STK32B: variants seen among roughly 807,000 people sequenced by gnomAD.
STK32B encodes serine/threonine-protein kinase 32B.
STK32B carries 43 observed loss-of-function variants against 52.6 expected under a neutral mutation model. The ratio of observed to expected loss-of-function variants is 0.82; its 90% CI spans 0.64 to 1.05. STK32B has a LOEUF of 1.05. STK32B is among the 50% of genes least tolerant of loss of function. STK32B has a pLI of 0.00. For synonymous variants in STK32B, 238 were observed against 204.3 expected (o/e 1.17, Z -1.41); for missense variants, 621 against 534.6 (o/e 1.16, Z -1.59).
chr4:5,470,858 T>C lies in STK32B; in HGVS notation c.1106+2788T>C, dbSNP rs10013705. Among the ~76,000 whole-genome samples, 1,312 of 152,298 alleles carry C rather than the reference T, an allele frequency of 8.6e-3. 20 individuals carry two copies. Among genetic ancestry groups the C allele is most frequent in the African/African-American group, 0.03 (1,258 of 41,570 alleles). ...TGCTGGCACTTGAGTAGCTGGAAAATTAAATCGAGCACCTTCTTCCCCACT... is the reference window on the plus strand; with the variant it reads ...TGCTGGCACTTGAGTAGCTGGAAAACTAAATCGAGCACCTTCTTCCCCACT... On this transcript the variant is annotated intron_variant, in intron 11 of 11. Transcript: ENST00000282908. The surrounding 1 kb of genome is among the most constrained non-coding windows in gnomAD (Gnocchi z 4.6).
rs145248483 is a variant in STK32B, at chr4:5,228,539, A to G, written c.260+60089A>G. The stretch of plus-strand genomic sequence containing the variant: ...CTGCAATAAAATTTTTTTGTCTTTT[A>G]TGGATCTTGTTTTTTCTGTATTTAA... On this transcript the variant is annotated intron_variant, in intron 3 of 11. Transcript: ENST00000282908. Among the ~76,000 whole-genome samples, 573 of 152,262 alleles carry G rather than the reference A, an allele frequency of 3.8e-3. 3 individuals are homozygous for G. The highest frequency in any genetic ancestry group is 6.8e-3 in the Middle Eastern group (2 of 294).
chr4:5,466,471 T>C (rs1009587036), intron 9 of STK32B, among the ~76,000 whole-genome samples: 2 of 152,182 alleles, frequency 1.3e-5, no homozygotes, highest in African/African-American at 4.8e-5. Flanking sequence ...AATACCTGGA[T>C]GTTAACAGGA....
At chr4:5,442,763 T>C in intron 6 of STK32B, among the ~76,000 whole-genome samples, 2 of 152,222 alleles carry the variant, frequency 1.3e-5, no homozygotes, top group Non-Finnish European at 2.9e-5. Flanking sequence ...TTTCCATGTT[T>C]AGTTCTTCCT....
At chr4:5,431,911 C>T (rs1046406606) in intron 6 of STK32B, among the ~76,000 whole-genome samples, 1 of 152,166 alleles carries the variant, frequency 6.6e-6, no homozygotes, top group Non-Finnish European at 1.5e-5. Flanking sequence ...TGCTACTTAT[C>T]TCTTCTTTCC....
rs142308067 is a variant in STK32B, at chr4:5,359,338, C to G, written c.434+27945C>G. On this transcript the variant is annotated intron_variant, in intron 4 of 11. Transcript: ENST00000282908. ...ACTCACTCATCTACCCATCCATCCA[C>G]CCATCCACCCATCCATCCACTCATC... Among the ~76,000 whole-genome samples the G allele has an allele frequency of 3.7e-3, 567 of 151,716 alleles. 3 individuals carry two copies. The highest frequency in any genetic ancestry group is 0.013 in the African/African-American group (548 of 41,186).
chr4:5,187,627 G>GGCGGGGGGGGGGAGGA (rs1720850545), intron 3 of STK32B, among the ~76,000 whole-genome samples: 1 of 141,670 alleles, frequency 7.1e-6, no homozygotes. Flanking sequence ...GCGGGGGAGG[G>GGCGGGGGGGGGGAGGA]GGGGGACAAG....
chr4:5,031,268 G>T, the STK32B span, among the ~76,000 whole-genome samples: 1 of 152,210 alleles, frequency 6.6e-6, no homozygotes, highest in Non-Finnish European at 1.5e-5. Flanking sequence ...CCTGAGTACA[G>T]ACTGTGACCC....
intron 3 of STK32B, among the ~76,000 whole-genome samples, chr4:5,212,032 A>G (rs541718597): frequency 6.6e-6 from 1 of 152,350 alleles, no homozygotes; most frequent in Admixed American, 6.5e-5. Flanking sequence ...TCGTGCAGCA[A>G]ATAATTGTTT....
At chr4:5,079,204 T>C in intron 1 of STK32B, among the ~76,000 whole-genome samples, 1 of 152,350 alleles carries the variant, frequency 6.6e-6, no homozygotes, top group Middle Eastern at 3.4e-3. Context: ...AGTAATTTAT[T>C]TAACTATATT....
chr4:5,438,091 A>T (rs1463455723), intron 6 of STK32B: 1 of 985,374 alleles, frequency 1.0e-6, no homozygotes, highest in Non-Finnish European at 1.2e-6. Context: ...TTTGATGGGG[A>T]ACACCTCGGC....
At position 5,460,260 on chromosome 4, in the gene STK32B, C is replaced by A. The variant is rs370951733; in HGVS notation, c.909+32C>A. The A allele has an allele frequency of 6.3e-7, 1 of 1,592,832 alleles. No individual in the cohort carries two copies. The highest frequency in any genetic ancestry group is 1.2e-5 in the South Asian group (1 of 86,688). On this transcript the variant is annotated intron_variant, in intron 9 of 11. Transcript: ENST00000282908. The surrounding 1 kb of genome is among the most constrained non-coding windows in gnomAD (Gnocchi z 4.8). Reference sequence around the variant, plus strand: ...GGAAGTCCCACCTGATGTCATGCCACCCCTCTGCAGGGTCCCCGCCTTGGT... The same window carrying A: ...GGAAGTCCCACCTGATGTCATGCCAACCCTCTGCAGGGTCCCCGCCTTGGT...
At chr4:5,126,222 G>A (rs1304135454) in intron 1 of STK32B, among the ~76,000 whole-genome samples, 2 of 152,176 alleles carry the variant, frequency 1.3e-5, no homozygotes, top group Admixed American at 6.5e-5. Flanking sequence ...TAGTTCTCCT[G>A]TAGCTAAAAT....
chr4:5,205,729 T>TGC (rs374940928), intron 3 of STK32B, among the ~76,000 whole-genome samples: 3 of 149,970 alleles, frequency 2.0e-5, no homozygotes, highest in African/African-American at 7.3e-5. Flanking sequence ...TGTGTGTGTG[T>TGC]GTGCATTTAG....
chr4:5,112,536 G>A (rs190760821), intron 1 of STK32B, among the ~76,000 whole-genome samples: 32 of 152,258 alleles, frequency 2.1e-4, no homozygotes, highest in Non-Finnish European at 1.9e-4. Flanking sequence ...TCAGCCTTTA[G>A]TTCTCTTCAG....
intron 4 of STK32B, among the ~76,000 whole-genome samples, chr4:5,374,731 T>C (rs1300596157): frequency 6.8e-6 from 1 of 147,744 alleles, no homozygotes; most frequent in Non-Finnish European, 1.5e-5. Context: ...CCACCTCTTA[T>C]ACTATTGCAT....
intron 1 of STK32B, among the ~76,000 whole-genome samples, chr4:5,131,524 C>G (rs1381198161): frequency 6.6e-6 from 1 of 152,214 alleles, no homozygotes; most frequent in Non-Finnish European, 1.5e-5. Flanking sequence ...CTTACCCCAG[C>G]CTGTGAAGCC....
intron 2 of STK32B, among the ~76,000 whole-genome samples, chr4:5,141,614 C>A (rs942943645): frequency 1.3e-5 from 2 of 152,106 alleles, no homozygotes; most frequent in Non-Finnish European, 2.9e-5. Context: ...CTGGGAGGGG[C>A]CACAGCAGCA....
At chr4:5,294,742 T>C (rs973893003) in intron 3 of STK32B, among the ~76,000 whole-genome samples, 3 of 152,198 alleles carry the variant, frequency 2.0e-5, no homozygotes, top group Non-Finnish European at 4.4e-5. Flanking sequence ...ACTTCCTCTA[T>C]TCCTATCTGA....
At chr4:5,127,085 T>A (rs1229302827) in intron 1 of STK32B, 2 of 510,492 alleles carry the variant, frequency 3.9e-6, no homozygotes, top group African/African-American at 3.9e-5. Flanking sequence ...AAGTGCTTTA[T>A]TCATGAGCCG....
Sources: allele counts gnomAD v4.1 joint callset (sites outside exome capture counted in the v4.1 genomes callset), GRCh38; gene constraint gnomAD v4.1.1; non-coding constraint Gnocchi (gnomAD v3.1); transcripts MANE v1.5; gene names NCBI Gene and HGNC (gene_info 2026-07-23, HGNC 2026-07-21).